Variants in CMYA5 observed in about 807,000 individuals in gnomAD.
The protein encoded by CMYA5 is cardiomyopathy associated 5.
CMYA5 carries 246 observed loss-of-function variants against 318.9 expected under a neutral mutation model. The ratio of observed to expected loss-of-function variants is 0.77; its 90% CI spans 0.70 to 0.86. The LOEUF is 0.86. CMYA5 is among the 40% of genes least tolerant of loss of function. The pLI is 0.00. For synonymous variants in CMYA5, 1,641 were observed against 1,729.5 expected (o/e 0.95, Z 1.27); for missense variants, 4,589 against 4,678.2 (o/e 0.98, Z 0.56).
rs1339573535 is a variant in CMYA5 at position 79,717,893 on chromosome 5, T to TGCTGAACTG, written c.150-11022_150-11021insGCTGAACTG. On this transcript the variant is annotated intron_variant, in intron 1 of 12. Coordinates refer to ENST00000446378, the MANE Select transcript of CMYA5 (RefSeq NM_153610.5). ...CCTTTTAACCTAAGCTATTTTTTTT[T>TGCTGAACTG]TTTTTTTTTTTTTGAGACGGAGTCT... Among the ~76,000 whole-genome samples the TGCTGAACTG allele has an allele frequency of 9.4e-4, 88 of 93,374 alleles. 1 individual carries two copies. Among genetic ancestry groups the TGCTGAACTG allele is most frequent in the South Asian group, 2.0e-3 (6 of 3,066 alleles). The allele number at this position is 93,374 out of a possible 152,430, so 61.3% of individuals were successfully genotyped here. A position where few individuals can be genotyped will look rare whatever the true frequency, so the allele number is the denominator to read the frequency against.
chr5:79,739,726 T>C (rs914879951), intron 2 of CMYA5, among the ~76,000 whole-genome samples: 1 of 152,090 alleles, frequency 6.6e-6, no homozygotes, highest in African/African-American at 2.4e-5. Context: ...CTCACACCTA[T>C]AATCTCAGCA....
Position 79,735,760 on chromosome 5 carries a change from C to A in CMYA5, c.6995C>A (p.Ala2332Asp). 6.3e-7 allele frequency: 1 copy of A among 1,575,948 alleles called. No individual in the cohort carries two copies. The highest frequency in any genetic ancestry group is 1.2e-5 in the South Asian group (1 of 82,324). Residue 2332 changes from alanine to aspartate, a missense_variant, in exon 2 of 13, where the codon GCC (alanine) becomes GAC (aspartate). Transcript: ENST00000446378. ...GGTGAGAAATTGGTTATGGAAGAAG[C>A]CAAAACTATTGTTCCTCCTCATGTT... ...LIGEKLVMEE[A>D]KTIVPPHVTD...
intron 8 of CMYA5, 91 bp downstream of exon 8, chr5:79,762,048 C>T: frequency 7.2e-7 from 1 of 1,389,378 alleles, no homozygotes; most frequent in East Asian, 2.4e-5. Flanking sequence ...TATTAAGCAC[C>T]TATTGTGTGT....
At position 79,735,084 on chromosome 5, in the gene CMYA5, A is replaced by G. The variant is rs757386184; in HGVS notation, c.6319A>G (p.Met2107Val). Residue 2107 changes from methionine (M) to valine (V), a missense_variant, in exon 2 of 13, where the codon ATG becomes GTG. Met to Val is a conservative substitution (Grantham distance 21). Around this residue, in one of 3 missense-constraint regions of CMYA5, gnomAD observed 2,431 missense variants for 2,495.1 expected, o/e 0.97. Transcript: ENST00000446378. ...AGAGAAGCCATTGGAAGAATCAAAA[A>G]TGGTTCAGTCAAAGGTTATTGATGA... is the stretch of plus-strand genomic sequence containing the variant. ...PEEKPLEESK[M>V]VQSKVIDDAD... 2.7e-5 allele frequency: 44 copies of G among 1,613,732 alleles called. 2 individuals are homozygous for G. The Admixed American group carries it at 6.2e-4, about 23-fold the overall frequency.
chr5:79,720,988 CATTTAG>C (rs1434994143), intron 1 of CMYA5, among the ~76,000 whole-genome samples: 1 of 152,056 alleles, frequency 6.6e-6, no homozygotes, highest in Non-Finnish European at 1.5e-5. Context: ...CGTGGCTTAA[CATTTAG>C]ATTGAAAATA....
At chr5:79,781,928 C>T (rs1354885917) in intron 9 of CMYA5, among the ~76,000 whole-genome samples, 1 of 238 alleles carries the variant, frequency 4.2e-3, no homozygotes, top group Non-Finnish European at 7.7e-3. Context: ...CAGTTCTGCT[C>T]TGATTTTAGT....
At chr5:79,786,215 A>G (rs2151099562) in intron 9 of CMYA5, among the ~76,000 whole-genome samples, 1 of 152,284 alleles carries the variant, frequency 6.6e-6, no homozygotes, top group South Asian at 2.1e-4. Context: ...CCAGCAATCG[A>G]CTTCATGGCT....
At chr5:79,751,020 TC>T (rs760256779) in intron 5 of CMYA5, among the ~76,000 whole-genome samples, 17 of 152,096 alleles carry the variant, frequency 1.1e-4, no homozygotes, top group Non-Finnish European at 2.4e-4. Flanking sequence ...GCCCTCTCCA[TC>T]CCCACAGTCT....
rs181719440 is a variant in CMYA5 at position 79,729,232 on chromosome 5, T to C, written c.467T>C (p.Phe156Ser). The C allele has an allele frequency of 1.4e-4, 224 of 1,613,060 alleles. 1 individual carries two copies. The East Asian group carries it at 4.9e-3, about 36-fold the overall frequency. Residue 156 changes from phenylalanine to serine, a missense_variant, in exon 2 of 13, where the codon TTT becomes TCT. Around this residue, in one of 3 missense-constraint regions of CMYA5, gnomAD observed 2,132 missense variants for 2,131.3 expected, o/e 1.00. Coordinates refer to ENST00000446378, the MANE Select transcript of CMYA5 (RefSeq NM_153610.5). Reference protein sequence around the residue: ...RRKGNRKRNSFESQDVPTNKK... With the variant: ...RRKGNRKRNSSESQDVPTNKK... ...AAAGGCAACAGAAAAAGAAATTCTT[T>C]TGAATCCCAAGATGTTCCAACAAAC...
intron 12 of CMYA5, among the ~76,000 whole-genome samples, chr5:79,796,163 G>T (rs1829272045): frequency 6.6e-6 from 1 of 152,144 alleles, no homozygotes; most frequent in African/African-American, 2.4e-5. Context: ...CCAAACAGGG[G>T]AGGAGAAATG....
intron 3 of CMYA5, 40 bp downstream of exon 3, chr5:79,743,962 C>A: frequency 9.8e-7 from 1 of 1,025,532 alleles, no homozygotes; most frequent in Non-Finnish European, 1.4e-6. Context: ...CTGGCTTGTT[C>A]ACAGTATCAG....
chr5:79,695,941 GTTA>G (rs1207073325), intron 1 of CMYA5, among the ~76,000 whole-genome samples: 2 of 152,260 alleles, frequency 1.3e-5, no homozygotes, highest in East Asian at 3.9e-4. Context: ...AAACTTTCTT[GTTA>G]TTATCCAGAA....
chr5:79,771,580 G>T (rs1429481678), intron 9 of CMYA5, among the ~76,000 whole-genome samples: 1 of 152,166 alleles, frequency 6.6e-6, no homozygotes, highest in Admixed American at 6.5e-5. Flanking sequence ...TCTCACTAGG[G>T]AACAGTGATG....
intron 7 of CMYA5, among the ~76,000 whole-genome samples, chr5:79,759,205 G>A (rs1828597806): frequency 6.6e-6 from 1 of 152,238 alleles, no homozygotes; most frequent in Non-Finnish European, 1.5e-5. Flanking sequence ...TTCTCATTTA[G>A]AGAAAGGAGG....
chr5:79,760,677 A>G (rs1302398323), intron 7 of CMYA5, among the ~76,000 whole-genome samples: 1 of 152,174 alleles, frequency 6.6e-6, no homozygotes, highest in East Asian at 1.9e-4. Flanking sequence ...CCATGATTCA[A>G]TCACCTCCCA....
intron 1 of CMYA5, among the ~76,000 whole-genome samples, chr5:79,699,881 A>G (rs1325961311): frequency 6.6e-6 from 1 of 152,214 alleles, no homozygotes; most frequent in Non-Finnish European, 1.5e-5. Context: ...CCCCTAGTGC[A>G]TTTACATACT....
chr5:79,735,793 G>A lies in CMYA5; in HGVS notation c.7028G>A (p.Ser2343Asn), dbSNP rs1208507953. The A allele has an allele frequency of 6.4e-7, 1 of 1,556,050 alleles. No individual in the cohort carries two copies. Among genetic ancestry groups the A allele is most frequent in the Admixed American group, 2.1e-5 (1 of 47,364 alleles). ...KTIVPPHVTD[S>N]KRVQKPAIAP... Reference sequence around the variant, plus strand: ...ATTGTTCCTCCTCATGTTACTGATAGTAAAAGAGTCCAGAAGCCAGCAATC... The same window carrying A: ...ATTGTTCCTCCTCATGTTACTGATAATAAAAGAGTCCAGAAGCCAGCAATC... The change falls in exon 2 of 13, where the codon AGT becomes AAT. Residue 2343 changes from serine to asparagine, a missense_variant. This residue lies in a region of CMYA5 where 2,431 missense variants were observed against 2,495.1 expected (regional missense o/e 0.97). Coordinates refer to ENST00000446378, the MANE Select transcript of CMYA5 (RefSeq NM_153610.5).
chr5:79,711,929 C>A (rs1413907371), intron 1 of CMYA5, among the ~76,000 whole-genome samples: 2 of 152,154 alleles, frequency 1.3e-5, no homozygotes, highest in African/African-American at 4.8e-5. Context: ...TCAGTATGAT[C>A]CCCTTCCATC....
At position 79,757,986 on chromosome 5, in the gene CMYA5, T is replaced by A. The variant is rs188746930; in HGVS notation, c.11111-767T>A. Among the ~76,000 whole-genome samples the A allele has an allele frequency of 1.1e-3, 164 of 152,278 alleles. 1 individual carries two copies. Among genetic ancestry groups the A allele is most frequent in the Non-Finnish European group, 1.6e-3 (108 of 68,008 alleles). On this transcript the variant is annotated intron_variant, in intron 6 of 12. Transcript: ENST00000446378. ...GGCTCACGCCTGTAATCCCAGCACT[T>A]TGGGAGGCTGAGGCGGGTGGAATCC...
Sources: allele counts gnomAD v4.1 joint callset (sites outside exome capture counted in the v4.1 genomes callset), GRCh38; gene constraint gnomAD v4.1.1; regional missense constraint gnomAD v4.1.1; transcripts MANE v1.5; gene names NCBI Gene and HGNC (gene_info 2026-07-23, HGNC 2026-07-21).